C12orf42: variants seen among roughly 807,000 people sequenced by gnomAD.
The protein encoded by C12orf42 is chromosome 12 open reading frame 42.
Under a neutral mutation model 21.6 loss-of-function variants are expected in C12orf42, and 25 were observed. The ratio of observed to expected loss-of-function variants is 1.16; its 90% CI spans 0.84 to 1.62. The LOEUF is 1.62. C12orf42 is among the 40% of genes most tolerant of loss of function. The pLI, the probability that C12orf42 is intolerant of heterozygous loss-of-function variation, is 0.00. For missense variants in C12orf42, 483 were observed against 459.3 expected (o/e 1.05, Z -0.47); for synonymous variants, 174 against 175.0 (o/e 0.99, Z 0.05).
At chr12:103,421,151 C>A (rs969616485) in intron 2 of C12orf42, among the ~76,000 whole-genome samples, 2 of 152,004 alleles carry the variant, frequency 1.3e-5, no homozygotes, top group Non-Finnish European at 2.9e-5. Flanking sequence ...AGTGCCTAGC[C>A]TGCTACAAAG....
At chr12:103,068,910 T>G in the C12orf42 span, among the ~76,000 whole-genome samples, 1 of 126,804 alleles carries the variant, frequency 7.9e-6, no homozygotes, top group African/African-American at 2.9e-5. Context: ...TAGATAGATA[T>G]AGATATATAT....
chr12:103,222,520 C>G, the C12orf42 span, among the ~76,000 whole-genome samples: 1 of 152,150 alleles, frequency 6.6e-6, no homozygotes, highest in Non-Finnish European at 1.5e-5. Flanking sequence ...CATACACGTG[C>G]AAGTCACAGG....
At chr12:103,295,415 T>TG (rs1288728726) in intron 4 of C12orf42, among the ~76,000 whole-genome samples, 3 of 102,526 alleles carry the variant, frequency 2.9e-5, no homozygotes, top group Non-Finnish European at 3.7e-5. Context: ...GCATACATTG[T>TG]TTTTTTTTTT....
the C12orf42 span, among the ~76,000 whole-genome samples, chr12:103,546,186 A>C: frequency 6.6e-6 from 1 of 152,236 alleles, no homozygotes; most frequent in Admixed American, 6.5e-5. Context: ...CACATAGCCA[A>C]GGAATTGAAT....
the C12orf42 span, among the ~76,000 whole-genome samples, chr12:103,166,421 G>A: frequency 6.6e-6 from 1 of 152,184 alleles, no homozygotes; most frequent in Non-Finnish European, 1.5e-5. Context: ...AATAGTTTGT[G>A]TATTTTATTT....
At chr12:103,529,059 AAAC>A in the C12orf42 span, among the ~76,000 whole-genome samples, 5 of 152,182 alleles carry the variant, frequency 3.3e-5, no homozygotes, top group South Asian at 2.1e-4. Context: ...CCAAAGGAAA[AAAC>A]AACAACGAAA....
chr12:103,227,297 G>T, the C12orf42 span, among the ~76,000 whole-genome samples: 7 of 151,970 alleles, frequency 4.6e-5, no homozygotes, highest in Non-Finnish European at 1.0e-4. Flanking sequence ...AGGGACTAGG[G>T]TGCAGAGATA....
At chr12:103,129,270 T>C in the C12orf42 span, among the ~76,000 whole-genome samples, 1 of 152,116 alleles carries the variant, frequency 6.6e-6, no homozygotes, top group East Asian at 1.9e-4. Flanking sequence ...TATGAACTGA[T>C]ATGGGAGGAA....
At chr12:103,320,054 C>T (rs34995561) in intron 4 of C12orf42, among the ~76,000 whole-genome samples, 9 of 152,118 alleles carry the variant, frequency 5.9e-5, no homozygotes, top group African/African-American at 9.7e-5. Context: ...ATTTCACAAC[C>T]GAGAAAGAAA....
the C12orf42 span, among the ~76,000 whole-genome samples, chr12:103,086,033 CTT>C: frequency 5.9e-5 from 9 of 152,166 alleles, no homozygotes; most frequent in Non-Finnish European, 1.3e-4. Flanking sequence ...CAGAGCAGAA[CTT>C]TTTTTGTTAG....
At chr12:103,164,787 G>T in the C12orf42 span, 1 of 445,406 alleles carries the variant, frequency 2.2e-6, no homozygotes, top group African/African-American at 2.0e-5. Flanking sequence ...CTGTCGTATT[G>T]AATTCAATTA....
the C12orf42 span, among the ~76,000 whole-genome samples, chr12:103,556,355 T>C: frequency 6.6e-6 from 1 of 152,334 alleles, no homozygotes; most frequent in South Asian, 2.1e-4. Flanking sequence ...GGTACATCAC[T>C]TGACACTGAA....
the C12orf42 span, among the ~76,000 whole-genome samples, chr12:103,056,175 C>G: frequency 6.6e-6 from 1 of 151,936 alleles, no homozygotes; most frequent in Non-Finnish European, 1.5e-5. Flanking sequence ...TATATTTTTC[C>G]TTTTACTTTT....
chr12:103,118,965 C>T, the C12orf42 span, among the ~76,000 whole-genome samples: 1 of 151,994 alleles, frequency 6.6e-6, no homozygotes, highest in Admixed American at 6.6e-5. Flanking sequence ...CCAAGTTGCC[C>T]AAAAAGTCCA....
chr12:103,509,709 C>A, the C12orf42 span, among the ~76,000 whole-genome samples: 4 of 152,222 alleles, frequency 2.6e-5, no homozygotes, highest in Non-Finnish European at 4.4e-5. Context: ...CTGGCCAAAA[C>A]ACATGGAAAT....
chr12:103,334,244 C>G (rs200433065), intron 4 of C12orf42, among the ~76,000 whole-genome samples: 1 of 152,100 alleles, frequency 6.6e-6, no homozygotes, highest in Non-Finnish European at 1.5e-5. Context: ...AGGAGATTGG[C>G]GTATCCTGAG....
At chr12:103,403,981 A>G (rs779057525) in intron 2 of C12orf42, among the ~76,000 whole-genome samples, 1 of 152,182 alleles carries the variant, frequency 6.6e-6, no homozygotes, top group Non-Finnish European at 1.5e-5. Flanking sequence ...GTGATGCAAA[A>G]ACAATACCTC....
At chr12:103,221,114 C>A in the C12orf42 span, among the ~76,000 whole-genome samples, 1 of 152,152 alleles carries the variant, frequency 6.6e-6, no homozygotes. Context: ...CTTATTTTGT[C>A]CAAAGCCATA....
intron 4 of C12orf42, among the ~76,000 whole-genome samples, chr12:103,293,325 CTTTG>C: frequency 6.6e-6 from 1 of 152,076 alleles, no homozygotes; most frequent in African/African-American, 2.4e-5. Context: ...CTGAAGGGTC[CTTTG>C]TTTGTAAGGA....
Sources: gnomAD v4.1 joint callset for allele counts (sites outside exome capture counted in the v4.1 genomes callset) on GRCh38, gnomAD v4.1.1 for gene constraint, MANE v1.5 for transcripts, NCBI Gene and HGNC (gene_info 2026-07-23, HGNC 2026-07-21) for gene names.